NBAS: variants seen among roughly 807,000 people sequenced by gnomAD.
NBAS encodes the protein NBAS subunit of NRZ tethering complex, also known as NAG/BC035112 fusion.
NBAS carries 219 observed loss-of-function variants against 302.5 expected under a neutral mutation model. The observed-to-expected ratio is 0.72, with a 90% CI of 0.65 to 0.81. The LOEUF (loss-of-function observed/expected upper bound fraction) is 0.81. Among genes scored for constraint, NBAS ranks in the 30% least tolerant of loss-of-function variants. The pLI, the probability that NBAS is intolerant of heterozygous loss-of-function variation, is 0.00. For synonymous variants in NBAS, 1,118 were observed against 1,021.6 expected, an observed-to-expected ratio of 1.09 and a Z score of -1.80; for missense variants, 2,932 against 2,841.6, an observed-to-expected ratio of 1.03 and a Z score of -0.72.
the NBAS span, among the ~76,000 whole-genome samples, chr2:14,851,421 A>T: frequency 3.9e-5 from 6 of 151,928 alleles, no homozygotes; most frequent in African/African-American, 1.5e-4. Context: ...CAGGAGCTGA[A>T]ATTGTGGCAA....
intron 9 of NBAS, among the ~76,000 whole-genome samples, chr2:15,527,349 CTGTT>C (rs1375528114): frequency 1.3e-5 from 2 of 152,180 alleles, no homozygotes; most frequent in African/African-American, 2.4e-5. Context: ...ATGTGACCAT[CTGTT>C]TGTACTACCA....
chr2:14,941,798 T>C, the NBAS span, among the ~76,000 whole-genome samples: 1 of 152,258 alleles, frequency 6.6e-6, no homozygotes, highest in Admixed American at 6.5e-5. Flanking sequence ...GGATTTAGCA[T>C]CTTCATTTCC....
intron 48 of NBAS, among the ~76,000 whole-genome samples, chr2:15,196,493 C>T (rs1665625975): frequency 6.6e-6 from 1 of 151,962 alleles, no homozygotes; most frequent in Non-Finnish European, 1.5e-5. Context: ...ATAATTATCT[C>T]AATAAAAATC....
intron 11 of NBAS, among the ~76,000 whole-genome samples, chr2:15,498,250 C>T (rs530437980): frequency 6.6e-6 from 1 of 152,158 alleles, no homozygotes; most frequent in African/African-American, 2.4e-5. Flanking sequence ...GTTCCACTTG[C>T]TATAAAACCT....
At chr2:15,441,700 A>G (rs1054704999) in intron 21 of NBAS, among the ~76,000 whole-genome samples, 6 of 151,692 alleles carry the variant, frequency 4.0e-5, no homozygotes, top group Non-Finnish European at 5.9e-5. Context: ...CAATTAAAAG[A>G]CACAGACTGG....
the NBAS span, among the ~76,000 whole-genome samples, chr2:14,800,460 C>T: frequency 2.6e-5 from 4 of 152,156 alleles, no homozygotes; most frequent in African/African-American, 9.7e-5. Context: ...CACCCTTTTC[C>T]CTGTATAAAT....
chr2:14,928,216 T>C, the NBAS span, among the ~76,000 whole-genome samples: 1 of 152,206 alleles, frequency 6.6e-6, no homozygotes, highest in South Asian at 2.1e-4. Context: ...TAGTGACCTG[T>C]CATGAAGAGC....
the NBAS span, among the ~76,000 whole-genome samples, chr2:14,871,152 G>A: frequency 6.6e-6 from 1 of 151,630 alleles, no homozygotes. Flanking sequence ...GATCAGCTTT[G>A]AGGCAACACC....
chr2:15,203,890 TTGTGTG>T lies in NBAS; in HGVS notation c.6433-13493_6433-13488del, dbSNP rs143962413. Among the ~76,000 whole-genome samples, 444 of 129,528 alleles carry T rather than the reference TTGTGTG, an allele frequency of 3.4e-3. 4 individuals are homozygous for T. The highest frequency in any genetic ancestry group is 0.01 in the African/African-American group (371 of 35,990). 85.0% of individuals were successfully genotyped at this position (129,528 alleles called of 152,430 possible). A position where few individuals can be genotyped will look rare whatever the true frequency, so the allele number is the denominator to read the frequency against. On this transcript the variant is annotated intron_variant, in intron 48 of 51. Coordinates refer to ENST00000281513, the MANE Select transcript of NBAS (RefSeq NM_015909.4). ...TGTGTCTGTGTGTGTGTGTGTGTGC[TTGTGTG>T]TGTGTGTGTGTGTGTGTGTGTGTGT...
the NBAS span, among the ~76,000 whole-genome samples, chr2:15,004,576 G>A: frequency 1.3e-5 from 2 of 151,858 alleles, no homozygotes; most frequent in African/African-American, 2.4e-5. Context: ...ATCATGGCTC[G>A]TGGCAGCCTC....
At chr2:15,425,430 C>T (rs1677420298) in intron 22 of NBAS, among the ~76,000 whole-genome samples, 1 of 152,144 alleles carries the variant, frequency 6.6e-6, no homozygotes, top group Non-Finnish European at 1.5e-5. Flanking sequence ...ACGGGGAAAA[C>T]ACTATACAAG....
the NBAS span, among the ~76,000 whole-genome samples, chr2:15,124,027 G>A: frequency 1.3e-5 from 2 of 152,302 alleles, no homozygotes; most frequent in Admixed American, 1.3e-4. Context: ...GTGATTGTGA[G>A]CAAAATTCTG....
chr2:14,844,560 C>T, the NBAS span, among the ~76,000 whole-genome samples: 44,703 of 151,988 alleles, frequency 0.29, 7,137 homozygotes, highest in East Asian at 0.4. Context: ...CCTTAGGTAC[C>T]AGCTCTGCCA....
At chr2:14,981,126 G>T in the NBAS span, among the ~76,000 whole-genome samples, 27 of 152,012 alleles carry the variant, frequency 1.8e-4, 1 homozygote, top group East Asian at 4.8e-3. Context: ...CATAAATGAA[G>T]CATATGAGTT....
chr2:15,396,648 T>C, intron 26 of NBAS, among the ~76,000 whole-genome samples, 173 bp from the exon 27 acceptor site: 1 of 152,180 alleles, frequency 6.6e-6, no homozygotes, highest in Non-Finnish European at 1.5e-5. Context: ...ATATAAGAAA[T>C]GCTAGAGTAG....
chr2:15,111,659 C>T, the NBAS span, among the ~76,000 whole-genome samples: 1 of 151,656 alleles, frequency 6.6e-6, no homozygotes, highest in Non-Finnish European at 1.5e-5. Context: ...AAGAAAAATC[C>T]CCCCTCTAAG....
rs150121246 is a variant in NBAS at position 15,238,519 on chromosome 2, G to A, written c.5892C>T (p.His1964=). ...TLNHLEKSLA[H]LETLSHSFIL... is the part of the protein sequence containing the mutation. ...TGAAGCTGTGGCTCAGGGTTTCCAG[G>A]TGGGCAAGTGATTTCTCCAGATGAT... is the stretch of plus-strand genomic sequence containing the variant. Residue 1964 remains histidine (H), a synonymous_variant, in exon 45 of 52, where the codon CAC becomes CAT. Coordinates refer to ENST00000281513, the MANE Select transcript of NBAS (RefSeq NM_015909.4). The A allele has an allele frequency of 9.3e-6, 15 of 1,614,006 alleles. No individual in the cohort carries two copies. Among genetic ancestry groups the A allele is most frequent in the Non-Finnish European group, 5.9e-6 (7 of 1,179,998 alleles).
At chr2:14,866,174 C>T in the NBAS span, among the ~76,000 whole-genome samples, 4 of 152,212 alleles carry the variant, frequency 2.6e-5, no homozygotes, top group East Asian at 1.9e-4. Context: ...CCTTCCCACT[C>T]CATTATTTTA....
intron 44 of NBAS, among the ~76,000 whole-genome samples, chr2:15,260,568 T>C (rs973188099): frequency 1.1e-4 from 17 of 152,070 alleles, no homozygotes; most frequent in African/African-American, 3.9e-4. Flanking sequence ...AAAGGTACAG[T>C]GAGGTGGTCA....
Sources: gnomAD v4.1 joint callset for allele counts (sites outside exome capture counted in the v4.1 genomes callset) on GRCh38, gnomAD v4.1.1 for gene constraint, MANE v1.5 for transcripts, NCBI Gene and HGNC (gene_info 2026-07-23, HGNC 2026-07-21) for gene names.